The following ZNF577 variants were observed in gnomAD, a reference collection of about 807,000 sequenced individuals.
ZNF577 encodes zinc finger protein 577.
In ZNF577, 14 loss-of-function variants were observed where a neutral mutation model predicts 13.9. The ratio of observed to expected loss-of-function variants is 1.00; its 90% CI spans 0.66 to 1.57. ZNF577 has a LOEUF of 1.57. Among genes scored for constraint, ZNF577 ranks in the 40% most tolerant of loss-of-function variants. The probability of loss-of-function intolerance (pLI) is 0.00; values close to 1 mark genes in which losing one functional copy is unlikely to be tolerated. For missense variants in ZNF577, 555 were observed against 579.2 expected, an observed-to-expected ratio of 0.96 and a Z score of 0.43; for synonymous variants, 203 against 202.9, an observed-to-expected ratio of 1.00 and a Z score of 0.00.
Position 51,880,668 on chromosome 19 carries a change from AC to A in ZNF577, c.-20+10del, listed in dbSNP as rs2084847784. ...GGAAACAAACGACAAAATAGGTAAAACAAACCTCACCTGGGCCTTGCCCATT... is the reference window on the plus strand; with the variant it reads ...GGAAACAAACGACAAAATAGGTAAAAAAACCTCACCTGGGCCTTGCCCATT... On this transcript the variant is annotated intron_variant, in intron 2 of 5. Transcript: ENST00000638348. The A allele has an allele frequency of 9.0e-6, 4 of 444,816 alleles. No individual in the cohort carries two copies. In the South Asian group the frequency reaches 1.0e-4, roughly 12 times the overall value. The allele number at this position is 444,816 out of a possible 1,614,324, so 27.6% of individuals were successfully genotyped here.
rs75887907 is a variant in ZNF577, at chr19:51,812,236, C to T, written c.*600-562G>A. Among the ~76,000 whole-genome samples the T allele has an allele frequency of 3.3e-4, 50 of 152,188 alleles. 1 individual carries two copies. In the East Asian group the frequency reaches 7.3e-3, roughly 22 times the overall value. On this transcript the variant is annotated intron_variant and NMD_transcript_variant, in intron 9 of 10. Coordinates refer to the ZNF577 transcript ENST00000638827. Reference sequence around the variant, plus strand: ...AGTTAAGATAGTTAATATGGCCCAACGTAGGGTGAAATAATGGCCTTCAAT... The same window carrying T: ...AGTTAAGATAGTTAATATGGCCCAATGTAGGGTGAAATAATGGCCTTCAAT...
At chr19:51,882,993 A>AT (rs536929212) in intron 1 of ZNF577, among the ~76,000 whole-genome samples, 1,420 of 133,002 alleles carry the variant, frequency 0.011, 13 homozygotes, top group African/African-American at 0.023. Context: ...TTTAAAAAAA[A>AT]TTTTTTTTTT....
rs556969626 is a variant in ZNF577, at chr19:51,841,148, G to A, written c.*375-1031C>T. Among the ~76,000 whole-genome samples the A allele has an allele frequency of 1.6e-4, 24 of 152,286 alleles. 1 individual carries two copies. Among genetic ancestry groups the A allele is most frequent in the African/African-American group, 5.5e-4 (23 of 41,548 alleles). On this transcript the variant is annotated intron_variant and NMD_transcript_variant, in intron 8 of 10. Transcript: ENST00000638827. ...TCCTGCCTCTTATCATATTCTGCTGGGAGAAAGTGCAAGGAACACCACTTT... is the reference window on the plus strand; with the variant it reads ...TCCTGCCTCTTATCATATTCTGCTGAGAGAAAGTGCAAGGAACACCACTTT...
chr19:51,886,786 C>T (rs1051424512), intron 1 of ZNF577, 35 bp downstream of exon 1: 1 of 151,898 alleles, frequency 6.6e-6, no homozygotes, highest in Non-Finnish European at 1.5e-5. Context: ...AGCTTTTTTC[C>T]ACAAATAAGG....
At chr19:51,823,788 G>A (rs1330585476) in intron 9 of ZNF577, 1 of 1,610,258 alleles carries the variant, frequency 6.2e-7, no homozygotes, top group South Asian at 1.1e-5. Flanking sequence ...TGAAACTGAG[G>A]AGGTGCTCCC....
chr19:51,867,408 CAG>C lies in ZNF577; in HGVS notation c.*5122_*5123del, dbSNP rs1188648627. On this transcript the variant is annotated 3_prime_UTR_variant, in exon 6 of 6. Transcript: ENST00000638348. ...CTTTTCAAGAGAAAAGAAGACATGT[CAG>C]AGAGAGGCCCAGCTTTTAGAATTGT... is the stretch of plus-strand genomic sequence containing the variant. Among the ~76,000 whole-genome samples, 2 of 152,052 alleles carry C rather than the reference CAG, an allele frequency of 1.3e-5. No individual in the cohort carries two copies. Among genetic ancestry groups the C allele is most frequent in the Non-Finnish European group, 2.9e-5 (2 of 68,026 alleles).
intron 3 of ZNF577, among the ~76,000 whole-genome samples, chr19:51,879,960 G>A (rs1036158243): frequency 6.6e-6 from 1 of 152,174 alleles, no homozygotes; most frequent in African/African-American, 2.4e-5. Flanking sequence ...ACCAAAGAAT[G>A]GAGCTGTTAA....
intron 3 of ZNF577, 147 bp downstream of exon 3, chr19:51,880,176 C>G: frequency 1.2e-6 from 1 of 858,324 alleles, no homozygotes; most frequent in African/African-American, 1.7e-5. Flanking sequence ...GGCATTACTC[C>G]TTAGCTTACC....
At position 51,868,753 on chromosome 19, in the gene ZNF577, G is replaced by T. The variant is rs1436661759; in HGVS notation, c.*3779C>A. 2.0e-5 allele frequency among the ~76,000 whole-genome samples: 3 copies of T among 152,182 alleles called. No homozygotes were observed. Among genetic ancestry groups the T allele is most frequent in the Admixed American group, 6.5e-5 (1 of 15,286 alleles). On this transcript the variant is annotated 3_prime_UTR_variant, in exon 6 of 6. Coordinates refer to ENST00000638348, the MANE Select transcript of ZNF577 (RefSeq NM_001370449.1). ...ATCAGACTGCTACTGTGTCTATGTA[G>T]AAAAAGGAAGACATAAGAAACTCTA...
At chr19:51,815,312 A>C (rs2084127268) in intron 9 of ZNF577, among the ~76,000 whole-genome samples, 1 of 152,126 alleles carries the variant, frequency 6.6e-6, no homozygotes, top group Non-Finnish European at 1.5e-5. Flanking sequence ...CTGTAATCCC[A>C]GCACTCTCGA....
rs773084706 is a variant in ZNF577 at position 51,871,662 on chromosome 19, C to G, written c.*870G>C. ...AGATAGGGAGATTATCCTGGCTTAT[C>G]TGGGTTTTCACAGTGTAATCACAAG... On this transcript the variant is annotated 3_prime_UTR_variant, in exon 6 of 6. Transcript: ENST00000638348. 2 of 152,124 alleles carry G rather than the reference C, an allele frequency of 1.3e-5. No individual in the cohort carries two copies. The highest frequency in any genetic ancestry group is 2.4e-5 in the African/African-American group (1 of 41,414). 9.4% of individuals were successfully genotyped at this position (152,124 alleles called of 1,614,324 possible).
intron 10 of ZNF577, among the ~76,000 whole-genome samples, chr19:51,810,655 T>C (rs541117902): frequency 6.6e-6 from 1 of 152,332 alleles, no homozygotes; most frequent in South Asian, 2.1e-4. Context: ...TTAAATTCCA[T>C]GTCAGATATG....
chr19:51,884,343 G>A (rs1296664562), intron 1 of ZNF577, among the ~76,000 whole-genome samples: 1 of 152,144 alleles, frequency 6.6e-6, no homozygotes, highest in Non-Finnish European at 1.5e-5. Flanking sequence ...CAAGTTTCAA[G>A]GCATGAAGCC....
chr19:51,857,420 A>AGGAAAG (rs2084445020), intron 5 of ZNF577, among the ~76,000 whole-genome samples: 2 of 121,444 alleles, frequency 1.6e-5, no homozygotes, highest in Non-Finnish European at 3.3e-5. Context: ...GAAAGAAAGA[A>AGGAAAG]AGAAAGAAAA....
rs373271122 is a variant in ZNF577 at position 51,868,769 on chromosome 19, A to G, written c.*3763T>C. ...GTCTATGTAGAAAAAGGAAGACATA[A>G]GAAACTCTATTTTGATCTGTACTAA... On this transcript the variant is annotated 3_prime_UTR_variant, in exon 6 of 6. Coordinates refer to ENST00000638348, the MANE Select transcript of ZNF577 (RefSeq NM_001370449.1). Among the ~76,000 whole-genome samples the G allele has an allele frequency of 6.6e-6, 1 of 152,236 alleles. No individual in the cohort carries two copies. The highest frequency in any genetic ancestry group is 1.9e-4 in the East Asian group (1 of 5,186).
intron 9 of ZNF577, among the ~76,000 whole-genome samples, chr19:51,838,827 T>C (rs1318747719): frequency 6.6e-6 from 1 of 151,978 alleles, no homozygotes; most frequent in Non-Finnish European, 1.5e-5. Flanking sequence ...TACAAGCATG[T>C]AACAATTTTT....
chr19:51,846,978 C>G (rs1057177565), intron 5 of ZNF577, among the ~76,000 whole-genome samples: 1 of 152,152 alleles, frequency 6.6e-6, no homozygotes, highest in Non-Finnish European at 1.5e-5. Context: ...TCACTCAATC[C>G]TCAAAACCCA....
At chr19:51,832,499 G>T (rs2084265861) in intron 9 of ZNF577, among the ~76,000 whole-genome samples, 1 of 152,042 alleles carries the variant, frequency 6.6e-6, no homozygotes, top group South Asian at 2.1e-4. Flanking sequence ...GGGACTGGAG[G>T]TGCAAACCAC....
chr19:51,875,995 G>A (rs1158431421), intron 5 of ZNF577, among the ~76,000 whole-genome samples: 5 of 152,186 alleles, frequency 3.3e-5, no homozygotes, highest in Admixed American at 6.5e-5. Flanking sequence ...CCGGAGTGAT[G>A]AGCAATACAG....
Sources: gnomAD v4.1 joint callset for allele counts (sites outside exome capture counted in the v4.1 genomes callset) on GRCh38, gnomAD v4.1.1 for gene constraint, MANE v1.5 for transcripts, NCBI Gene and HGNC (gene_info 2026-07-23, HGNC 2026-07-21) for gene names.